Variants in NAALADL2 observed in about 807,000 individuals in gnomAD.
NAALADL2 encodes N-acetylated alpha-linked acidic dipeptidase like 2, also known as inactive N-acetylated-alpha-linked acidic dipeptidase-like protein 2.
A neutral mutation model predicts 87.2 loss-of-function variants in NAALADL2; 76 were observed. That is an observed-to-expected ratio of 0.87 (90% confidence interval 0.72 to 1.05). The LOEUF is 1.05. NAALADL2 is among the 50% of genes least tolerant of loss of function. The pLI, the probability that NAALADL2 is intolerant of heterozygous loss-of-function variation, is 0.00. For synonymous variants in NAALADL2, 354 were observed against 331.0 expected (o/e 1.07, Z -0.75); for missense variants, 1,089 against 945.8 (o/e 1.15, Z -1.99).
At chr3:175,113,477 G>T (rs1325638139) in intron 2 of NAALADL2, among the ~76,000 whole-genome samples, 1 of 151,582 alleles carries the variant, frequency 6.6e-6, no homozygotes, top group East Asian at 2.0e-4. Context: ...AGTTTTTCTT[G>T]CTAAGATTCT....
intron 1 of NAALADL2, among the ~76,000 whole-genome samples, chr3:174,878,350 A>G (rs545715321): frequency 1.4e-4 from 21 of 152,032 alleles, no homozygotes; most frequent in Non-Finnish European, 3.1e-4. Context: ...CAATGAGTCT[A>G]CTCAGTGGGA....
intron 3 of NAALADL2, among the ~76,000 whole-genome samples, chr3:174,739,186 C>CT (rs560573981): frequency 9.5e-4 from 144 of 151,754 alleles, no homozygotes; most frequent in Non-Finnish European, 1.7e-3. Flanking sequence ...GGAGTGTATT[C>CT]TTTTTTTTCA....
At chr3:174,833,164 A>G (rs907335546) in intron 3 of NAALADL2, among the ~76,000 whole-genome samples, 4 of 152,108 alleles carry the variant, frequency 2.6e-5, no homozygotes, top group Admixed American at 6.5e-5. Flanking sequence ...TTTTTTCTGT[A>G]TGTACTTTTA....
At chr3:175,240,563 G>A (rs1456602220) in intron 3 of NAALADL2, among the ~76,000 whole-genome samples, 1 of 152,206 alleles carries the variant, frequency 6.6e-6, no homozygotes, top group Non-Finnish European at 1.5e-5. Context: ...AAGTGGAATG[G>A]AACTGTAGTA....
chr3:175,417,982 T>C (rs1008744672), intron 5 of NAALADL2, among the ~76,000 whole-genome samples: 2 of 151,988 alleles, frequency 1.3e-5, no homozygotes, highest in Admixed American at 6.6e-5. Flanking sequence ...TGTGGAGTTA[T>C]GGTGAAAGCA....
intron 5 of NAALADL2, among the ~76,000 whole-genome samples, chr3:175,437,683 C>T (rs1299563425): frequency 2.0e-5 from 3 of 151,540 alleles, no homozygotes; most frequent in African/African-American, 7.3e-5. Flanking sequence ...AGGCATCACA[C>T]TACCTGACTT....
chr3:175,781,771 T>C (rs1298060447), intron 13 of NAALADL2, among the ~76,000 whole-genome samples: 1 of 152,058 alleles, frequency 6.6e-6, no homozygotes, highest in African/African-American at 2.4e-5. Context: ...GCAGGTTAGT[T>C]ACATATGTAT....
At chr3:175,717,380 G>GT (rs1014082300) in intron 11 of NAALADL2, among the ~76,000 whole-genome samples, 2 of 151,784 alleles carry the variant, frequency 1.3e-5, no homozygotes, top group Admixed American at 6.6e-5. Flanking sequence ...AAGATTTTTT[G>GT]TTTTTTTAAA....
At chr3:174,755,238 A>G (rs1711883596) in intron 3 of NAALADL2, among the ~76,000 whole-genome samples, 1 of 152,116 alleles carries the variant, frequency 6.6e-6, no homozygotes, top group Non-Finnish European at 1.5e-5. Context: ...CTTCTGCCGT[A>G]ATTGTAAGTT....
At chr3:175,156,316 T>TCC (rs1732308382) in intron 2 of NAALADL2, among the ~76,000 whole-genome samples, 3 of 65,698 alleles carry the variant, frequency 4.6e-5, no homozygotes, top group Non-Finnish European at 1.4e-4. Context: ...AGACAAATCT[T>TCC]TAGATAAATA....
intron 9 of NAALADL2, among the ~76,000 whole-genome samples, chr3:175,569,445 A>C (rs1230969796): frequency 6.6e-6 from 1 of 152,172 alleles, no homozygotes; most frequent in African/African-American, 2.4e-5. Context: ...AATCAATAGG[A>C]TATATCTTGC....
chr3:175,013,234 C>T (rs369376835), intron 1 of NAALADL2, among the ~76,000 whole-genome samples: 7 of 65,112 alleles, frequency 1.1e-4, no homozygotes, highest in African/African-American at 6.3e-4. Flanking sequence ...TAAATATAAA[C>T]ACATATATAA....
intron 9 of NAALADL2, among the ~76,000 whole-genome samples, chr3:175,570,703 AC>A (rs1275204589): frequency 6.6e-6 from 1 of 151,890 alleles, no homozygotes. Context: ...ACATGGTGAA[AC>A]CCTGTTTCTA....
At chr3:175,798,189 G>A (rs1007156980) in intron 13 of NAALADL2, among the ~76,000 whole-genome samples, 4 of 151,868 alleles carry the variant, frequency 2.6e-5, no homozygotes, top group South Asian at 2.1e-4. Context: ...TGCTAGCCCC[G>A]ATTTGTTTTT....
intron 1 of NAALADL2, among the ~76,000 whole-genome samples, chr3:174,977,584 T>A (rs1396271553): frequency 1.3e-5 from 2 of 152,172 alleles, no homozygotes; most frequent in Non-Finnish European, 2.9e-5. Flanking sequence ...GGCTATTAGG[T>A]CTTCTTTTAA....
chr3:174,998,745 G>T (rs1486699474), intron 1 of NAALADL2, among the ~76,000 whole-genome samples: 1 of 152,084 alleles, frequency 6.6e-6, no homozygotes, highest in East Asian at 1.9e-4. Context: ...TTTTTCCCAT[G>T]TCTGAGAGAC....
chr3:175,171,986 G>A (rs1038056896), intron 2 of NAALADL2, among the ~76,000 whole-genome samples: 3 of 152,052 alleles, frequency 2.0e-5, no homozygotes, highest in African/African-American at 2.4e-5. Flanking sequence ...CTAAGTTGTA[G>A]TATTGGATAT....
In NAALADL2 at chr3:174,755,163, G is replaced by A. The variant is rs181268181; in HGVS notation, c.-9+17417G>A. Among the ~76,000 whole-genome samples the A allele has an allele frequency of 8.4e-3, 1,277 of 152,190 alleles. 4 individuals are homozygous for A. Among genetic ancestry groups the A allele is most frequent in the Non-Finnish European group, 0.013 (914 of 68,012 alleles). On this transcript the variant is annotated intron_variant, in intron 3 of 3. Coordinates refer to the NAALADL2 transcript ENST00000434257. The stretch of plus-strand genomic sequence containing the variant: ...GATCTGATGTATTTATAAGTGTTTG[G>A]TACTTCCTCCTGCATTCATTCTCCT...
intron 2 of NAALADL2, among the ~76,000 whole-genome samples, chr3:174,561,364 T>TG (rs1256465158): frequency 8.6e-5 from 13 of 151,940 alleles, no homozygotes; most frequent in Non-Finnish European, 2.9e-5. Context: ...CATGCCCAGC[T>TG]AATTTTTTTG....
Sources: gnomAD v4.1 joint callset for allele counts (sites outside exome capture counted in the v4.1 genomes callset) on GRCh38, gnomAD v4.1.1 for gene constraint, MANE v1.5 for transcripts, NCBI Gene and HGNC (gene_info 2026-07-23, HGNC 2026-07-21) for gene names.